HAPLN1: variants seen among roughly 807,000 people sequenced by gnomAD.
HAPLN1 encodes the protein hyaluronan and proteoglycan link protein 1.
HAPLN1 carries 13 observed loss-of-function variants against 36.5 expected under a neutral mutation model. The observed-to-expected ratio is 0.36, with a 90% CI of 0.23 to 0.57. The LOEUF is 0.57. Among genes scored for constraint, HAPLN1 ranks in the 20% least tolerant of loss-of-function variants. The pLI, the probability that HAPLN1 is intolerant of heterozygous loss-of-function variation, is 0.83. For synonymous variants in HAPLN1, 202 were observed against 169.8 expected (o/e 1.19, Z -1.48); for missense variants, 407 against 439.7 (o/e 0.93, Z 0.66).
At chr5:83,688,180 C>T (rs573080600) in intron 1 of HAPLN1, among the ~76,000 whole-genome samples, 30 of 152,274 alleles carry the variant, frequency 2.0e-4, no homozygotes, top group African/African-American at 7.2e-4. Context: ...TGCCTTTAGT[C>T]TTCTGATACT....
intron 1 of HAPLN1, chr5:83,682,176 A>C (rs1751020999): frequency 1.3e-5 from 2 of 152,344 alleles, no homozygotes; most frequent in Non-Finnish European, 2.9e-5. Context: ...GGATCTAAAA[A>C]TACAACCGCA....
At position 83,652,437 on chromosome 5, in the gene HAPLN1, A is replaced by T; in HGVS notation, c.472+16T>A. On this transcript the variant is annotated intron_variant, in intron 3 of 4. Coordinates refer to ENST00000274341, the MANE Select transcript of HAPLN1 (RefSeq NM_001884.4). ...AATGACCATTTATACGTTGAACATG[A>T]CTTATAGATACATACCTTGTAAGTC... is the stretch of plus-strand genomic sequence containing the variant. 1 of 1,596,324 alleles carries T rather than the reference A, an allele frequency of 6.3e-7. No individual in the cohort carries two copies. Among genetic ancestry groups the T allele is most frequent in the Non-Finnish European group, 8.5e-7 (1 of 1,170,464 alleles).
chr5:83,715,299 T>A (rs977164917), intron 1 of HAPLN1, among the ~76,000 whole-genome samples: 3 of 152,298 alleles, frequency 2.0e-5, no homozygotes, highest in Admixed American at 6.5e-5. Flanking sequence ...CACAATTAAA[T>A]GTAGTCAAGA....
At chr5:83,714,316 G>A (rs1332444726) in intron 1 of HAPLN1, among the ~76,000 whole-genome samples, 5 of 152,096 alleles carry the variant, frequency 3.3e-5, no homozygotes, top group Non-Finnish European at 7.4e-5. Flanking sequence ...CAGAACAATA[G>A]CTTACAAGAG....
rs188177673 is a variant in HAPLN1 at position 83,694,480 on chromosome 5, T to G, written c.-26-20931A>C. Among the ~76,000 whole-genome samples, 18 of 151,924 alleles carry G rather than the reference T, an allele frequency of 1.2e-4. 1 individual carries two copies. The East Asian group carries it at 3.5e-3, about 29-fold the overall frequency. On this transcript the variant is annotated intron_variant, in intron 1 of 4. Coordinates refer to ENST00000274341, the MANE Select transcript of HAPLN1 (RefSeq NM_001884.4). ...AACAAAAGATGGTTCTTTGAAAAGA[T>G]CAATATAATTCATAAATCTCTATAC...
chr5:83,663,864 C>G (rs1021667978), intron 2 of HAPLN1, among the ~76,000 whole-genome samples: 3 of 147,644 alleles, frequency 2.0e-5, no homozygotes, highest in Non-Finnish European at 4.4e-5. Flanking sequence ...CCATCCTGGT[C>G]CCTGCCACCA....
At chr5:83,666,168 C>G (rs1475784130) in intron 2 of HAPLN1, among the ~76,000 whole-genome samples, 1 of 152,118 alleles carries the variant, frequency 6.6e-6, no homozygotes, top group African/African-American at 2.4e-5. Context: ...CCAAAAGACT[C>G]TTCCAAAATG....
chr5:83,690,330 T>C (rs16898), intron 1 of HAPLN1, among the ~76,000 whole-genome samples: 85,986 of 151,906 alleles, frequency 0.57, 25,921 homozygotes, highest in Non-Finnish European at 0.68. Context: ...AAGGCGATCA[T>C]AAAAGCCAAA....
At chr5:83,695,251 G>A (rs34456333) in intron 1 of HAPLN1, among the ~76,000 whole-genome samples, 4,869 of 151,940 alleles carry the variant, frequency 0.032, 125 homozygotes, top group South Asian at 0.065. Flanking sequence ...TCAGCCTCCC[G>A]AGTAGCTGGG....
chr5:83,698,664 G>A (rs910645670), intron 1 of HAPLN1, among the ~76,000 whole-genome samples: 3 of 152,034 alleles, frequency 2.0e-5, no homozygotes, highest in Admixed American at 6.6e-5. Flanking sequence ...TATTATCTTG[G>A]CAGTATCTTG....
At chr5:83,659,822 G>A (rs1750331459) in intron 2 of HAPLN1, among the ~76,000 whole-genome samples, 1 of 151,952 alleles carries the variant, frequency 6.6e-6, no homozygotes, top group African/African-American at 2.4e-5. Flanking sequence ...AGATACTATT[G>A]CTGAAGATAG....
At chr5:83,681,489 C>T (rs1750997599) in intron 1 of HAPLN1, among the ~76,000 whole-genome samples, 1 of 152,032 alleles carries the variant, frequency 6.6e-6, no homozygotes, top group Non-Finnish European at 1.5e-5. Context: ...TACTTTTTTA[C>T]ATCATTTTAT....
At chr5:83,711,246 C>T (rs1258480681) in intron 1 of HAPLN1, among the ~76,000 whole-genome samples, 1 of 152,138 alleles carries the variant, frequency 6.6e-6, no homozygotes, top group Non-Finnish European at 1.5e-5. Flanking sequence ...ACATCTGCTA[C>T]AGGGCTCAAG....
chr5:83,714,381 T>C (rs1201910474), intron 1 of HAPLN1, among the ~76,000 whole-genome samples: 1 of 152,104 alleles, frequency 6.6e-6, no homozygotes, highest in Non-Finnish European at 1.5e-5. Flanking sequence ...ACTACATAAA[T>C]TAATGAAATA....
rs773037636 is a variant in HAPLN1 at position 83,644,641 on chromosome 5, C to T, written c.497G>A (p.Arg166Gln). Residue 166 changes from arginine (R) to glutamine (Q), a missense_variant, in exon 4 of 5, where the codon CGA becomes CAA. Coordinates refer to ENST00000274341, the MANE Select transcript of HAPLN1 (RefSeq NM_001884.4). ...AAAATTGAGATTGTAGCGCCCCAGT[C>T]GTGGAAAGTAAGGGAATACCACACC... ...LQGVVFPYFP[R>Q]LGRYNLNFHE... 7 of 1,477,314 alleles carry T rather than the reference C, an allele frequency of 4.7e-6. No individual in the cohort carries two copies. The highest frequency in any genetic ancestry group is 2.5e-5 in the East Asian group (1 of 40,162). 91.5% of individuals were successfully genotyped at this position (1,477,314 alleles called of 1,614,324 possible).
chr5:83,673,355 G>T, intron 2 of HAPLN1, 69 bp downstream of exon 2: 1 of 1,037,738 alleles, frequency 9.6e-7, no homozygotes, highest in Non-Finnish European at 1.4e-6. Context: ...AGAAACACTA[G>T]CCCAGCATCT....
intron 1 of HAPLN1, among the ~76,000 whole-genome samples, chr5:83,715,383 A>G (rs1751894745): frequency 6.6e-6 from 1 of 152,178 alleles, no homozygotes; most frequent in South Asian, 2.1e-4. Flanking sequence ...TTTATGAGAT[A>G]GAGGGGTTAG....
rs1749609044 is a variant in HAPLN1 at position 83,639,213 on chromosome 5, T to A, written c.*2283A>T. ...AGTATGAGTATAAAGGGCATGGAAA[T>A]TCTGGTCCTTTGAGCAAAATGAGAA... On this transcript the variant is annotated 3_prime_UTR_variant, in exon 5 of 5. Transcript: ENST00000274341. 1 of 152,046 alleles carries A rather than the reference T, an allele frequency of 6.6e-6. No individual in the cohort carries two copies. Among genetic ancestry groups the A allele is most frequent in the Non-Finnish European group, 1.5e-5 (1 of 67,926 alleles). 9.4% of individuals were successfully genotyped at this position (152,046 alleles called of 1,614,324 possible).
rs1749573947 is a variant in HAPLN1 at position 83,638,265 on chromosome 5, T to A, written c.*3231A>T. On this transcript the variant is annotated 3_prime_UTR_variant, in exon 5 of 5. Coordinates refer to ENST00000274341, the MANE Select transcript of HAPLN1 (RefSeq NM_001884.4). ...ATCTTACAGAAAATCAAAACATTTT[T>A]TTTTTGGTAATACAGATTGATTCTT... 6.6e-6 allele frequency: 1 copy of A among 152,026 alleles called. No homozygotes were observed. Among genetic ancestry groups the A allele is most frequent in the Non-Finnish European group, 1.5e-5 (1 of 67,914 alleles). 9.4% of individuals were successfully genotyped at this position (152,026 alleles called of 1,614,324 possible). A position where few individuals can be genotyped will look rare whatever the true frequency, so the allele number is the denominator to read the frequency against.
Sources: allele counts gnomAD v4.1 joint callset (sites outside exome capture counted in the v4.1 genomes callset), GRCh38; gene constraint gnomAD v4.1.1; transcripts MANE v1.5; gene names NCBI Gene and HGNC (gene_info 2026-07-23, HGNC 2026-07-21).